The following ACAP2 variants were observed in gnomAD, a reference collection of about 807,000 sequenced individuals.
ACAP2 encodes ArfGAP with coiled-coil, ankyrin repeat and PH domains 2.
A neutral mutation model predicts 115.8 loss-of-function variants in ACAP2; 39 were observed. The observed-to-expected ratio is 0.34, with a 90% CI of 0.26 to 0.44. The LOEUF is 0.44. ACAP2 is among the 20% of genes least tolerant of loss of function. The pLI is 1.00. For synonymous variants in ACAP2, 289 were observed against 315.8 expected (o/e 0.92, Z 0.90); for missense variants, 662 against 927.6 (o/e 0.71, Z 3.72).
At chr3:195,377,698 T>C (rs12054139) in intron 4 of ACAP2, among the ~76,000 whole-genome samples, 42,035 of 151,884 alleles carry the variant, frequency 0.28, 6,580 homozygotes, top group East Asian at 0.71. Flanking sequence ...AAAGGCCAGA[T>C]AGAATAGATG....
intron 1 of ACAP2, among the ~76,000 whole-genome samples, chr3:195,403,504 G>A (rs1278361916): frequency 4.6e-5 from 7 of 152,244 alleles, no homozygotes; most frequent in Non-Finnish European, 8.8e-5. Flanking sequence ...CCAGATGAAA[G>A]ATGAAGATGG....
chr3:195,429,965 G>A (rs6788868), intron 1 of ACAP2, among the ~76,000 whole-genome samples: 36,509 of 152,000 alleles, frequency 0.24, 5,123 homozygotes, highest in East Asian at 0.71. Context: ...TGGATAATGA[G>A]GGGTCATTAA....
At chr3:195,336,827 T>G in intron 7 of ACAP2, 105 bp downstream of exon 7, 1 of 883,802 alleles carries the variant, frequency 1.1e-6, no homozygotes. Context: ...AGAAGAGCAA[T>G]TATAAACCTT....
At chr3:195,340,432 T>C (rs1730790730) in intron 6 of ACAP2, among the ~76,000 whole-genome samples, 1 of 151,912 alleles carries the variant, frequency 6.6e-6, no homozygotes, top group Non-Finnish European at 1.5e-5. Context: ...CATCTACCTA[T>C]AATAACAGGT....
intron 13 of ACAP2, among the ~76,000 whole-genome samples, chr3:195,305,770 C>G (rs1728382244): frequency 6.6e-6 from 1 of 151,936 alleles, no homozygotes; most frequent in Non-Finnish European, 1.5e-5. Flanking sequence ...TGATCAAATT[C>G]CTACTTTCAT....
rs1560379828 is a variant in ACAP2, at chr3:195,443,006, GCGA to G, written c.-162_-160del. ...GCTGGTCATAGCAGCCGCGAAGACGGCGACGACTAGTCAGGCCCCAGTCCCGCC... is the reference window on the plus strand; with the variant it reads ...GCTGGTCATAGCAGCCGCGAAGACGGCGACTAGTCAGGCCCCAGTCCCGCC... On this transcript the variant is annotated 5_prime_UTR_variant, in exon 1 of 23. Transcript: ENST00000326793. The G allele has an allele frequency of 7.0e-6, 4 of 570,826 alleles. No homozygotes were observed. The highest frequency in any genetic ancestry group is 1.2e-5 in the Non-Finnish European group (4 of 347,018). The allele number at this position is 570,826 out of a possible 1,614,324, so 35.4% of individuals were successfully genotyped here.
At chr3:195,394,575 G>A (rs1444128867) in intron 1 of ACAP2, among the ~76,000 whole-genome samples, 3 of 152,192 alleles carry the variant, frequency 2.0e-5, no homozygotes, top group Non-Finnish European at 1.5e-5. Flanking sequence ...CAGCACTTCG[G>A]GAAGCCGAGC....
At chr3:195,317,310 TAA>T (rs1729159655) in intron 10 of ACAP2, among the ~76,000 whole-genome samples, 1 of 152,184 alleles carries the variant, frequency 6.6e-6, no homozygotes, top group Admixed American at 6.5e-5. Flanking sequence ...TACACAAAGT[TAA>T]ACTTACTAGG....
chr3:195,375,196 T>C (rs1489045191), intron 4 of ACAP2, among the ~76,000 whole-genome samples: 1 of 151,492 alleles, frequency 6.6e-6, no homozygotes, highest in Non-Finnish European at 1.5e-5. Context: ...TCTCAAAAAA[T>C]AAAAAATAAA....
chr3:195,279,251 A>G lies in ACAP2; in HGVS notation c.*77T>C, dbSNP rs565472532. On this transcript the variant is annotated 3_prime_UTR_variant, in exon 23 of 23. Transcript: ENST00000326793. ...TACCAAAATTAAGTAGAATTAAAGCAGTAAAAAAATTGTGATTTTTTAGCT... is the reference window on the plus strand; with the variant it reads ...TACCAAAATTAAGTAGAATTAAAGCGGTAAAAAAATTGTGATTTTTTAGCT... The G allele has an allele frequency of 3.5e-6, 3 of 864,044 alleles. No homozygotes were observed. Among genetic ancestry groups the G allele is most frequent in the Admixed American group, 5.5e-5 (2 of 36,574 alleles). 53.5% of individuals were successfully genotyped at this position (864,044 alleles called of 1,614,324 possible).
chr3:195,342,323 T>C, intron 6 of ACAP2, 148 bp downstream of exon 6: 1 of 696,438 alleles, frequency 1.4e-6, no homozygotes, highest in Non-Finnish European at 2.2e-6. Flanking sequence ...CACTAATAGC[T>C]ACACAGATGG....
chr3:195,358,191 T>C (rs537105036), intron 4 of ACAP2, among the ~76,000 whole-genome samples: 6 of 152,276 alleles, frequency 3.9e-5, no homozygotes, highest in African/African-American at 1.4e-4. Flanking sequence ...CAGATACAGC[T>C]GTAGGGACCA....
chr3:195,353,177 C>T (rs943755668), intron 4 of ACAP2, among the ~76,000 whole-genome samples: 14 of 151,706 alleles, frequency 9.2e-5, no homozygotes, highest in Admixed American at 2.0e-4. Flanking sequence ...GTCATAAGGA[C>T]ACTCAAGCAT....
At chr3:195,388,986 T>C (rs989549806) in intron 2 of ACAP2, among the ~76,000 whole-genome samples, 2 of 150,078 alleles carry the variant, frequency 1.3e-5, no homozygotes, top group African/African-American at 2.5e-5. Context: ...ATCACACCAC[T>C]GCACTCCAGC....
Position 195,294,611 on chromosome 3 carries a change from AT to A in ACAP2, c.1765+107del, listed in dbSNP as rs1560209877. 169 of 75,936 alleles carry A rather than the reference AT, an allele frequency of 2.2e-3. 4 individuals are homozygous for A. Among genetic ancestry groups the A allele is most frequent in the South Asian group, 9.4e-3 (18 of 1,910 alleles). 4.7% of individuals were successfully genotyped at this position (75,936 alleles called of 1,614,324 possible). On this transcript the variant is annotated intron_variant, in intron 18 of 22. Coordinates refer to ENST00000326793, the MANE Select transcript of ACAP2 (RefSeq NM_012287.6). Reference sequence around the variant, plus strand: ...AAAGAAGAAAAAAAAAAAAAAAATTATATATATATATATATATATAATTTTT... The same window carrying A: ...AAAGAAGAAAAAAAAAAAAAAAATTAATATATATATATATATATAATTTTT...
At position 195,338,543 on chromosome 3, in the gene ACAP2, ACTC is replaced by A. The variant is rs751558962; in HGVS notation, c.529-1570_529-1568del. Among the ~76,000 whole-genome samples the A allele has an allele frequency of 2.6e-5, 4 of 151,804 alleles. No individual in the cohort carries two copies. In the South Asian group the frequency reaches 8.3e-4, roughly 32 times the overall value. ...ACTGTGTTGCACAGTCTGGTCTCAA[ACTC>A]CTCGCTTCAAGCAATCCTCCTGCCT... On this transcript the variant is annotated intron_variant, in intron 6 of 22. Transcript: ENST00000326793.
At chr3:195,335,623 A>C (rs1198915287) in intron 7 of ACAP2, among the ~76,000 whole-genome samples, 1 of 152,198 alleles carries the variant, frequency 6.6e-6, no homozygotes, top group Non-Finnish European at 1.5e-5. Flanking sequence ...AATACACATT[A>C]CTGTCAATCT....
At chr3:195,376,188 G>A (rs1171455079) in intron 4 of ACAP2, among the ~76,000 whole-genome samples, 1 of 152,150 alleles carries the variant, frequency 6.6e-6, no homozygotes, top group African/African-American at 2.4e-5. Flanking sequence ...GAGGTCAGGA[G>A]TTCGACACCA....
intron 8 of ACAP2, among the ~76,000 whole-genome samples, chr3:195,327,956 A>G (rs1457600783): frequency 6.6e-6 from 1 of 151,930 alleles, no homozygotes; most frequent in Non-Finnish European, 1.5e-5. Flanking sequence ...AAATATATAT[A>G]TATGTATATA....
Sources: gnomAD v4.1 joint callset for allele counts (sites outside exome capture counted in the v4.1 genomes callset) on GRCh38, gnomAD v4.1.1 for gene constraint, MANE v1.5 for transcripts, NCBI Gene and HGNC (gene_info 2026-07-23, HGNC 2026-07-21) for gene names.